Variants in B3GALT1 observed in about 807,000 individuals in gnomAD.
B3GALT1 encodes UDP-Gal:betaGlcNAc beta 1,3-galactosyltransferase, polypeptide 1.
In B3GALT1, 10 loss-of-function variants were observed where a neutral mutation model predicts 23.2. That is an observed-to-expected ratio of 0.43 (90% CI 0.27 to 0.73). The LOEUF is 0.73. B3GALT1 is among the 30% of genes least tolerant of loss of function. The probability of loss-of-function intolerance (pLI) is 0.21; values close to 1 mark genes in which losing one functional copy is unlikely to be tolerated. For synonymous variants in B3GALT1, 156 were observed against 141.5 expected (o/e 1.10, Z -0.73); for missense variants, 299 against 405.4 (o/e 0.74, Z 2.25).
At chr2:167,303,352 A>G (rs993936355) in intron 1 of B3GALT1, among the ~76,000 whole-genome samples, 2 of 152,108 alleles carry the variant, frequency 1.3e-5, no homozygotes, top group Non-Finnish European at 2.9e-5. Context: ...TCATTCCTCA[A>G]ATAGGTAACC....
intron 2 of B3GALT1, among the ~76,000 whole-genome samples, chr2:167,580,193 G>A (rs1684458820): frequency 6.6e-6 from 1 of 152,110 alleles, no homozygotes; most frequent in Admixed American, 6.5e-5. Context: ...GGCTCTTACT[G>A]AAATTAAATA....
chr2:167,852,564 C>A (rs577955740), intron 4 of B3GALT1, among the ~76,000 whole-genome samples: 1 of 151,070 alleles, frequency 6.6e-6, no homozygotes, highest in Non-Finnish European at 1.5e-5. Context: ...TTTATTTTAT[C>A]GGAAAATTTA....
At chr2:167,863,891 G>A (rs1365758947) in intron 4 of B3GALT1, among the ~76,000 whole-genome samples, 2 of 151,866 alleles carry the variant, frequency 1.3e-5, no homozygotes, top group African/African-American at 4.8e-5. Context: ...ATTCAGTATT[G>A]TCTAAGATGT....
At chr2:167,596,530 A>G (rs973858459) in intron 2 of B3GALT1, among the ~76,000 whole-genome samples, 2 of 152,240 alleles carry the variant, frequency 1.3e-5, no homozygotes, top group Non-Finnish European at 2.9e-5. Flanking sequence ...AATTAGAGAT[A>G]CTGTGTTTAC....
At chr2:167,369,349 G>A (rs1326343219) in intron 1 of B3GALT1, among the ~76,000 whole-genome samples, 1 of 152,076 alleles carries the variant, frequency 6.6e-6, no homozygotes, top group African/African-American at 2.4e-5. Flanking sequence ...TGAACAGTGT[G>A]GGGAAATCAA....
chr2:167,653,041 T>A (rs1685893782), intron 3 of B3GALT1, among the ~76,000 whole-genome samples: 1 of 152,170 alleles, frequency 6.6e-6, no homozygotes, highest in Non-Finnish European at 1.5e-5. Context: ...CCTAAGGATT[T>A]GTGGAGAATA....
rs13419805 is a variant in B3GALT1, at chr2:167,439,136, C to T, written c.-510-51041C>T. ...GTTTGTTTGTTATTCAAATCTTGTA[C>T]GTCCTAAGTAGAGTTTGCCTTCTCA... On this transcript the variant is annotated intron_variant, in intron 1 of 4. Transcript: ENST00000392690. Among the ~76,000 whole-genome samples the T allele has an allele frequency of 3.4e-3, 517 of 152,250 alleles. 6 individuals carry two copies. Among genetic ancestry groups the T allele is most frequent in the South Asian group, 0.014 (69 of 4,826 alleles).
intron 1 of B3GALT1, among the ~76,000 whole-genome samples, chr2:167,482,002 A>G (rs1309540535): frequency 6.6e-6 from 1 of 152,184 alleles, no homozygotes; most frequent in African/African-American, 2.4e-5. Flanking sequence ...TTAGAAAACA[A>G]TTAAAACATA....
intron 2 of B3GALT1, among the ~76,000 whole-genome samples, chr2:167,543,256 A>G (rs1683564671): frequency 6.6e-6 from 1 of 152,152 alleles, no homozygotes; most frequent in African/African-American, 2.4e-5. Flanking sequence ...AATGTAGTCA[A>G]TTTAATATTT....
chr2:167,707,503 T>C (rs1686983726), intron 3 of B3GALT1, among the ~76,000 whole-genome samples: 1 of 76,562 alleles, frequency 1.3e-5, no homozygotes. Flanking sequence ...AATTTATTTT[T>C]CTTATTTTTT....
chr2:167,446,448 G>C (rs11902024), intron 1 of B3GALT1, among the ~76,000 whole-genome samples: 4,756 of 152,176 alleles, frequency 0.031, 228 homozygotes, highest in African/African-American at 0.11. Context: ...GGATAATATC[G>C]TGCAGAGTGT....
In B3GALT1 at chr2:167,724,934, C is replaced by T. The variant is rs915644157; in HGVS notation, c.-352+77968C>T. On this transcript the variant is annotated intron_variant, in intron 3 of 4. Coordinates refer to ENST00000392690, the MANE Select transcript of B3GALT1 (RefSeq NM_020981.4). ...AATCACAGCTCCAGAAAAGACAATA[C>T]CTTTTTCCATTCAGTGCTTGGAGAA... Among the ~76,000 whole-genome samples, 8 of 152,292 alleles carry T rather than the reference C, an allele frequency of 5.3e-5. No homozygotes were observed. In the South Asian group the frequency reaches 1.0e-3, roughly 20 times the overall value.
At chr2:167,390,678 T>C (rs1414792776) in intron 1 of B3GALT1, among the ~76,000 whole-genome samples, 11 of 152,232 alleles carry the variant, frequency 7.2e-5, no homozygotes, top group Admixed American at 5.9e-4. Context: ...TCATTCTCGA[T>C]GCTTGTACTT....
At chr2:167,422,673 G>T (rs1388209447) in intron 1 of B3GALT1, among the ~76,000 whole-genome samples, 2 of 152,186 alleles carry the variant, frequency 1.3e-5, no homozygotes, top group African/African-American at 2.4e-5. Flanking sequence ...GCCTGTAAAA[G>T]TGTAAAGCTT....
chr2:167,370,737 C>T (rs1358900540), intron 1 of B3GALT1, among the ~76,000 whole-genome samples: 3 of 152,044 alleles, frequency 2.0e-5, no homozygotes, highest in Non-Finnish European at 2.9e-5. Context: ...CCTGTCTAGG[C>T]AACATAGTGA....
At chr2:167,685,509 T>A (rs545496995) in intron 3 of B3GALT1, among the ~76,000 whole-genome samples, 2 of 152,270 alleles carry the variant, frequency 1.3e-5, no homozygotes, top group South Asian at 4.1e-4. Flanking sequence ...AGGAAAGGCC[T>A]GTGATTGGAG....
intron 2 of B3GALT1, among the ~76,000 whole-genome samples, chr2:167,552,790 A>C (rs955747359): frequency 6.6e-6 from 1 of 152,172 alleles, no homozygotes; most frequent in Non-Finnish European, 1.5e-5. Context: ...CCTTTGGGAA[A>C]ACCAGTGTGC....
intron 3 of B3GALT1, among the ~76,000 whole-genome samples, chr2:167,730,322 A>G (rs1461489035): frequency 2.0e-5 from 3 of 152,088 alleles, no homozygotes; most frequent in Non-Finnish European, 4.4e-5. Flanking sequence ...TCAATTCTTA[A>G]TGGTGTCTGC....
At chr2:167,447,246 G>A (rs185449745) in intron 1 of B3GALT1, among the ~76,000 whole-genome samples, 288 of 152,290 alleles carry the variant, frequency 1.9e-3, no homozygotes, top group Middle Eastern at 3.4e-3. Flanking sequence ...GGGGCACCTG[G>A]CCGTGTGAGG....
Sources: gnomAD v4.1 joint callset for allele counts (sites outside exome capture counted in the v4.1 genomes callset) on GRCh38, gnomAD v4.1.1 for gene constraint, MANE v1.5 for transcripts, NCBI Gene and HGNC (gene_info 2026-07-23, HGNC 2026-07-21) for gene names.